The following PPFIA4 variants were observed in gnomAD, a reference collection of about 807,000 sequenced individuals.
PPFIA4 encodes the protein liprin-alpha-4.
In PPFIA4, 98 loss-of-function variants were observed where a neutral mutation model predicts 145.7. That is an observed-to-expected ratio of 0.67 (90% CI 0.57 to 0.80). The LOEUF is 0.80. Among genes scored for constraint, PPFIA4 ranks in the 30% least tolerant of loss-of-function variants. The probability of loss-of-function intolerance (pLI) is 0.00; values close to 1 mark genes in which losing one functional copy is unlikely to be tolerated. For missense variants in PPFIA4, 1,457 were observed against 1,632.7 expected, an observed-to-expected ratio of 0.89 and a Z score of 1.85; for synonymous variants, 628 against 649.6, an observed-to-expected ratio of 0.97 and a Z score of 0.51.
chr1:203,064,340 T>G (rs945938757), intron 25 of PPFIA4, among the ~76,000 whole-genome samples: 2 of 152,228 alleles, frequency 1.3e-5, no homozygotes. Flanking sequence ...TTGCTGAATT[T>G]GCTGTGTTTA....
chr1:203,076,086 C>T, intron 29 of PPFIA4: 1 of 597,926 alleles, frequency 1.7e-6, no homozygotes. Context: ...GGTAAGTGGG[C>T]CAGGCCCGGG....
Position 203,043,960 on chromosome 1 carries a change from G to A in PPFIA4, c.366G>A (p.Val122=), listed in dbSNP as rs1308479754. The A allele has an allele frequency of 1.2e-6, 2 of 1,610,004 alleles. No homozygotes were observed. Among genetic ancestry groups the A allele is most frequent in the Non-Finnish European group, 1.7e-6 (2 of 1,178,354 alleles). The change falls in exon 4 of 30, where the codon GTG becomes GTA. Residue 122 remains valine (V), a synonymous_variant. Coordinates refer to ENST00000295706, the MANE Select transcript of PPFIA4 (RefSeq NM_001304331.2). The surrounding 1 kb of genome is among the most constrained non-coding windows in gnomAD (Gnocchi z 4.4). The part of the protein sequence containing the change: ...RLLLEHLECL[V]SRHERSLRMT... ...TTCTGGAACATCTGGAGTGCCTGGT[G>A]TCCCGCCATGAACGGTCACTGCGGA...
intron 25 of PPFIA4, among the ~76,000 whole-genome samples, chr1:203,064,590 G>A (rs1661606244): frequency 6.6e-6 from 1 of 152,308 alleles, no homozygotes; most frequent in East Asian, 1.9e-4. Flanking sequence ...GCAGAATTTG[G>A]CCCACAGACT....
At chr1:203,050,240 C>G (rs576578711) in intron 13 of PPFIA4, among the ~76,000 whole-genome samples, 1 of 152,184 alleles carries the variant, frequency 6.6e-6, no homozygotes, top group African/African-American at 2.4e-5. Flanking sequence ...GAAGTTGAGA[C>G]GCCATGGCAA....
chr1:203,040,157 A>C (rs1279345839), intron 2 of PPFIA4, among the ~76,000 whole-genome samples: 1 of 152,222 alleles, frequency 6.6e-6, no homozygotes, highest in Non-Finnish European at 1.5e-5. Context: ...ACTCTGCCTG[A>C]TAACCAGACC....
rs1005920542 is a variant in PPFIA4 at position 203,076,482 on chromosome 1, C to G, written c.*92C>G. ...GCTCGTTCCCCTTCCTTCCGCAGCT[C>G]CTAGTCTCGTCCGTGACTTTCCGGT... On this transcript the variant is annotated 3_prime_UTR_variant, in exon 30 of 30. Coordinates refer to ENST00000295706, the MANE Select transcript of PPFIA4 (RefSeq NM_001304331.2). 14 of 1,289,698 alleles carry G rather than the reference C, an allele frequency of 1.1e-5. No homozygotes were observed. The highest frequency in any genetic ancestry group is 4.4e-5 in the African/African-American group (3 of 68,396). 79.9% of individuals were successfully genotyped at this position (1,289,698 alleles called of 1,614,324 possible). A position where few individuals can be genotyped will look rare whatever the true frequency, so the allele number is the denominator to read the frequency against.
chr1:203,054,713 G>C lies in PPFIA4; in HGVS notation c.1830-719G>C, dbSNP rs182037432. ...ACACACACACACACATACACACACA[G>C]AGAGAGAGAGAGAAAGGTACAAACG... On this transcript the variant is annotated intron_variant, in intron 15 of 29. Coordinates refer to ENST00000295706, the MANE Select transcript of PPFIA4 (RefSeq NM_001304331.2). 8.0e-3 allele frequency among the ~76,000 whole-genome samples: 1,198 copies of C among 149,302 alleles called. 11 individuals are homozygous for C. The highest frequency in any genetic ancestry group is 0.016 in the South Asian group (75 of 4,710).
rs372096817 is a variant in PPFIA4 at position 203,051,815 on chromosome 1, A to G, written c.1558A>G (p.Thr520Ala). Reference sequence around the variant, plus strand: ...AGACGTGCGGTTCTCCCTGGGCACAACCACACACGCACCCCCAGGCGTGCA... The same window carrying G: ...AGACGTGCGGTTCTCCCTGGGCACAGCCACACACGCACCCCCAGGCGTGCA... ...AADVRFSLGTTTHAPPGVHRR... is the reference protein window; with the variant it reads ...AADVRFSLGTATHAPPGVHRR... The change falls in exon 14 of 30, where the codon ACC becomes GCC. Residue 520 changes from threonine (T) to alanine (A), a missense_variant. Thr to Ala is a moderately conservative substitution (Grantham distance 58). Around this residue, in one of 3 missense-constraint regions of PPFIA4, gnomAD observed 848 missense variants for 1,046.7 expected, o/e 0.81. Transcript: ENST00000295706. 2.5e-6 allele frequency: 4 copies of G among 1,613,714 alleles called. No individual in the cohort carries two copies. The highest frequency in any genetic ancestry group is 3.4e-6 in the Non-Finnish European group (4 of 1,179,860).
Position 203,068,721 on chromosome 1 carries a change from T to C in PPFIA4, c.3324+93T>C. 1 of 1,299,858 alleles carries C rather than the reference T, an allele frequency of 7.7e-7. No individual in the cohort carries two copies. 80.5% of individuals were successfully genotyped at this position (1,299,858 alleles called of 1,614,324 possible). On this transcript the variant is annotated intron_variant, in intron 27 of 29. Coordinates refer to ENST00000295706, the MANE Select transcript of PPFIA4 (RefSeq NM_001304331.2). This position sits in a 1 kb window ranked among gnomAD's most constrained non-coding sequence, Gnocchi z 4.7. ...CTCATACACAAAGGCTTAGGTATCTTGGGGGGTGGGGAGCTTTTCTAGGGC... is the reference window on the plus strand; with the variant it reads ...CTCATACACAAAGGCTTAGGTATCTCGGGGGGTGGGGAGCTTTTCTAGGGC...
At chr1:203,074,251 A>C (rs1186403803) in intron 28 of PPFIA4, among the ~76,000 whole-genome samples, 2 of 152,174 alleles carry the variant, frequency 1.3e-5, no homozygotes, top group Non-Finnish European at 2.9e-5. Flanking sequence ...ACACAAACCT[A>C]GGGGGTATAG....
At position 203,048,120 on chromosome 1, in the gene PPFIA4, G is replaced by A; in HGVS notation, c.1141-107G>A. The A allele has an allele frequency of 1.1e-6, 1 of 951,558 alleles. No homozygotes were observed. The highest frequency in any genetic ancestry group is 2.6e-5 in the East Asian group (1 of 38,614). 58.9% of individuals were successfully genotyped at this position (951,558 alleles called of 1,614,324 possible). A position where few individuals can be genotyped will look rare whatever the true frequency, so the allele number is the denominator to read the frequency against. ...TGGAGGCTGAGCGTCACTGGTACTG[G>A]GGGCCATGATCCCCAGGGCCACCCT... On this transcript the variant is annotated intron_variant, in intron 9 of 29. Coordinates refer to ENST00000295706, the MANE Select transcript of PPFIA4 (RefSeq NM_001304331.2). The surrounding 1 kb of genome is among the most constrained non-coding windows in gnomAD (Gnocchi z 5.8).
Position 203,068,637 on chromosome 1 carries a change from C to G in PPFIA4, c.3324+9C>G. On this transcript the variant is annotated intron_variant, in intron 27 of 29. Coordinates refer to ENST00000295706, the MANE Select transcript of PPFIA4 (RefSeq NM_001304331.2). The surrounding 1 kb of genome is among the most constrained non-coding windows in gnomAD (Gnocchi z 4.7). ...CCACACAGAACACCCAGGTGGGCAGCCTTTTAATCAGTCAACTTGAGTCTC... is the reference window on the plus strand; with the variant it reads ...CCACACAGAACACCCAGGTGGGCAGGCTTTTAATCAGTCAACTTGAGTCTC... The G allele has an allele frequency of 1.3e-6, 2 of 1,493,988 alleles. No homozygotes were observed. Among genetic ancestry groups the G allele is most frequent in the African/African-American group, 1.5e-5 (1 of 67,732 alleles). 92.5% of individuals were successfully genotyped at this position (1,493,988 alleles called of 1,614,324 possible). A position where few individuals can be genotyped will look rare whatever the true frequency, so the allele number is the denominator to read the frequency against.
intron 2 of PPFIA4, among the ~76,000 whole-genome samples, chr1:203,041,998 A>C (rs111272632): frequency 8.5e-4 from 130 of 152,338 alleles, no homozygotes; most frequent in African/African-American, 3.0e-3. Context: ...ATGCTCTGGC[A>C]TCTCTTGTCC....
chr1:203,045,725 A>G, intron 7 of PPFIA4, 116 bp from the exon 8 acceptor site: 1 of 1,506,696 alleles, frequency 6.6e-7, no homozygotes, highest in East Asian at 2.3e-5. Flanking sequence ...CTGACAGGAG[A>G]GTGTAGCTCA....
chr1:203,049,736 G>A lies in PPFIA4; in HGVS notation c.1480G>A (p.Gly494Arg). The A allele has an allele frequency of 6.3e-7, 1 of 1,589,096 alleles. No individual in the cohort carries two copies. Among genetic ancestry groups the A allele is most frequent in the Non-Finnish European group, 8.6e-7 (1 of 1,166,992 alleles). ...AGAGGTGGACCAGCTGAAGGGCCGAGGGGGGCCGTTTGTGGATGGCGTCCA... is the reference window on the plus strand; with the variant it reads ...AGAGGTGGACCAGCTGAAGGGCCGAAGGGGGCCGTTTGTGGATGGCGTCCA... ...RQEVDQLKGR[G>R]GPFVDGVHSR... Residue 494 changes from glycine (G) to arginine (R), a missense_variant, in exon 13 of 30, where the codon GGG (glycine) becomes AGG (arginine). Physicochemically the swap from Gly to Arg is moderately radical, Grantham distance 125. Coordinates refer to ENST00000295706, the MANE Select transcript of PPFIA4 (RefSeq NM_001304331.2).
At chr1:203,050,619 G>A (rs12755165) in intron 13 of PPFIA4, among the ~76,000 whole-genome samples, 33,784 of 152,120 alleles carry the variant, frequency 0.22, 3,918 homozygotes, top group Non-Finnish European at 0.26. Context: ...AGATATGTGT[G>A]GAGGGGCAGT....
At chr1:203,069,880 C>T (rs1352507994) in intron 27 of PPFIA4, among the ~76,000 whole-genome samples, 1 of 151,952 alleles carries the variant, frequency 6.6e-6, no homozygotes, top group Non-Finnish European at 1.5e-5. Flanking sequence ...GGGCAAGCCT[C>T]GTCTGCCACT....
Sources: allele counts gnomAD v4.1 joint callset (sites outside exome capture counted in the v4.1 genomes callset), GRCh38; gene constraint gnomAD v4.1.1; regional missense constraint gnomAD v4.1.1; non-coding constraint Gnocchi (gnomAD v3.1); transcripts MANE v1.5; gene names NCBI Gene and HGNC (gene_info 2026-07-23, HGNC 2026-07-21).